The following CCDC3 variants were observed in gnomAD, a reference collection of about 807,000 sequenced individuals.
CCDC3 encodes coiled-coil domain containing 3, also known as coiled-coil domain-containing protein 3.
Under a neutral mutation model 21.4 loss-of-function variants are expected in CCDC3, and 24 were observed. The observed-to-expected ratio is 1.12, with a 90% confidence interval of 0.81 to 1.58. CCDC3 has a LOEUF of 1.58. Ranked by LOEUF, CCDC3 falls within the 40% of genes most tolerant of loss-of-function variation. The probability of loss-of-function intolerance (pLI) is 0.00; values close to 1 mark genes in which losing one functional copy is unlikely to be tolerated. For missense variants in CCDC3, 425 were observed against 360.9 expected, an observed-to-expected ratio of 1.18 and a Z score of -1.44; for synonymous variants, 186 against 166.0, an observed-to-expected ratio of 1.12 and a Z score of -0.93.
chr10:12,980,055 A>G (rs902370309), intron 2 of CCDC3, among the ~76,000 whole-genome samples: 3 of 152,224 alleles, frequency 2.0e-5, no homozygotes, highest in Middle Eastern at 6.8e-3. Flanking sequence ...TTCTTTTATG[A>G]TGTTACATGA....
intron 2 of CCDC3, among the ~76,000 whole-genome samples, chr10:12,947,619 G>A (rs1347744628): frequency 6.6e-6 from 1 of 152,184 alleles, no homozygotes; most frequent in Non-Finnish European, 1.5e-5. Flanking sequence ...CCCTGTGGAC[G>A]GGAATCTAGA....
intron 5 of CCDC3, among the ~76,000 whole-genome samples, chr10:13,011,215 G>A (rs576899472): frequency 1.3e-3 from 198 of 150,158 alleles, no homozygotes; most frequent in African/African-American, 4.1e-3. Context: ...TGACAAAGGC[G>A]GCATCGAAAT....
chr10:12,982,818 A>C (rs1835522140), intron 2 of CCDC3, among the ~76,000 whole-genome samples: 1 of 135,500 alleles, frequency 7.4e-6, no homozygotes. Flanking sequence ...AAAAAAAAAA[A>C]ACCATACCTC....
At position 13,029,147 on chromosome 10, in the gene CCDC3, C is replaced by T. The variant is rs566317312; in HGVS notation, c.-2+20527G>A. On this transcript the variant is annotated intron_variant, in intron 5 of 6. Transcript: ENST00000378839. Reference sequence around the variant, plus strand: ...CTTTCTGATTCCACTGCCCACTCTACGGTTTTCACCTCTAAACCCCAAATC... The same window carrying T: ...CTTTCTGATTCCACTGCCCACTCTATGGTTTTCACCTCTAAACCCCAAATC... Among the ~76,000 whole-genome samples, 12 of 152,268 alleles carry T rather than the reference C, an allele frequency of 7.9e-5. No individual in the cohort carries two copies. The East Asian group carries it at 9.6e-4, about 12-fold the overall frequency.
intron 4 of CCDC3, among the ~76,000 whole-genome samples, chr10:13,061,316 G>A (rs525535): frequency 0.58 from 88,254 of 152,016 alleles, 26,425 homozygotes; most frequent in African/African-American, 0.73. Flanking sequence ...ACCTAACAGT[G>A]TGGGAAGCAG....
chr10:13,097,766 T>C (rs779118639), intron 3 of CCDC3, among the ~76,000 whole-genome samples: 5 of 152,064 alleles, frequency 3.3e-5, no homozygotes, highest in Non-Finnish European at 5.9e-5. Flanking sequence ...TGCTTTAGAG[T>C]CCAGAATTCT....
At chr10:12,946,679 TAC>T (rs955075143) in intron 2 of CCDC3, among the ~76,000 whole-genome samples, 1 of 152,216 alleles carries the variant, frequency 6.6e-6, no homozygotes, top group East Asian at 1.9e-4. Flanking sequence ...TTAATTTATC[TAC>T]AGTTTTTCAC....
chr10:12,924,727 C>A (rs778768666), intron 2 of CCDC3: 4 of 152,198 alleles, frequency 2.6e-5, no homozygotes, highest in Non-Finnish European at 5.9e-5. Flanking sequence ...CCAGGCCAGA[C>A]CCTGCTTAGC....
At chr10:12,918,195 T>C (rs1323055351) in intron 2 of CCDC3, among the ~76,000 whole-genome samples, 1 of 152,250 alleles carries the variant, frequency 6.6e-6, no homozygotes, top group Non-Finnish European at 1.5e-5. Context: ...CCTGTTTAGC[T>C]ATGGGTTAAT....
At chr10:12,912,927 T>G (rs1834292640) in intron 2 of CCDC3, among the ~76,000 whole-genome samples, 2 of 152,224 alleles carry the variant, frequency 1.3e-5, no homozygotes, top group Admixed American at 6.5e-5. Flanking sequence ...TACACATGGA[T>G]TTATTTCTTG....
intron 2 of CCDC3, among the ~76,000 whole-genome samples, chr10:12,954,803 G>A (rs974415577): frequency 1.3e-5 from 2 of 152,080 alleles, no homozygotes; most frequent in Non-Finnish European, 2.9e-5. Flanking sequence ...ACCAAACTAT[G>A]GCAAATGGGA....
intron 2 of CCDC3, among the ~76,000 whole-genome samples, chr10:12,935,667 CA>C (rs1326717079): frequency 1.4e-5 from 2 of 144,816 alleles, no homozygotes; most frequent in African/African-American, 2.6e-5. Flanking sequence ...AATCCAAGTA[CA>C]TTTTTTTTTT....
chr10:12,983,037 G>A (rs534230270), intron 2 of CCDC3, among the ~76,000 whole-genome samples: 5 of 149,442 alleles, frequency 3.3e-5, no homozygotes, highest in South Asian at 2.1e-4. Flanking sequence ...GCTTAAACCC[G>A]GAAGGCGGAG....
intron 2 of CCDC3, among the ~76,000 whole-genome samples, chr10:12,961,423 A>G (rs1835177262): frequency 1.3e-5 from 2 of 152,226 alleles, no homozygotes; most frequent in South Asian, 4.1e-4. Context: ...AATGGGATCC[A>G]AATAACATTC....
At chr10:13,068,646 C>A (rs1836848954) in intron 4 of CCDC3, among the ~76,000 whole-genome samples, 1 of 152,070 alleles carries the variant, frequency 6.6e-6, no homozygotes, top group South Asian at 2.1e-4. Flanking sequence ...ACTGGTGAGG[C>A]CTACAGACAT....
At chr10:12,930,382 T>C (rs918041491) in intron 2 of CCDC3, among the ~76,000 whole-genome samples, 2 of 152,244 alleles carry the variant, frequency 1.3e-5, no homozygotes, top group African/African-American at 4.8e-5. Context: ...CTAATTTCTG[T>C]TGACTCATTC....
chr10:13,076,724 C>T (rs61851397), intron 3 of CCDC3, among the ~76,000 whole-genome samples: 31,515 of 152,210 alleles, frequency 0.21, 3,877 homozygotes, highest in East Asian at 0.32. Flanking sequence ...ATGCCCCTTC[C>T]TTATTTGGGA....
rs898739536 is a variant in CCDC3 at position 13,001,677 on chromosome 10, C to A, written c.-107G>T. 327 of 727,748 alleles carry A rather than the reference C, an allele frequency of 4.5e-4. No individual in the cohort carries two copies. Among genetic ancestry groups the A allele is most frequent in the Non-Finnish European group, 5.4e-4 (318 of 585,604 alleles). 45.1% of individuals were successfully genotyped at this position (727,748 alleles called of 1,614,324 possible). On this transcript the variant is annotated 5_prime_UTR_variant, in exon 1 of 3. Coordinates refer to ENST00000378825, the MANE Select transcript of CCDC3 (RefSeq NM_031455.4). ...CGGCTGCTCGGGCCGCTCCCGGGAG[C>A]TGAGCGCACCGCTGTCTCCGCCACG...
chr10:13,019,240 A>G (rs879915358), intron 5 of CCDC3, among the ~76,000 whole-genome samples: 43 of 149,736 alleles, frequency 2.9e-4, no homozygotes, highest in Non-Finnish European at 3.0e-4. Flanking sequence ...TCTTTAAAAA[A>G]GAAAGAAAGA....
Sources: allele counts gnomAD v4.1 joint callset (sites outside exome capture counted in the v4.1 genomes callset), GRCh38; gene constraint gnomAD v4.1.1; transcripts MANE v1.5; gene names NCBI Gene and HGNC (gene_info 2026-07-23, HGNC 2026-07-21).